Variants in CNTNAP2 observed in about 807,000 individuals in gnomAD.
CNTNAP2 encodes contactin associated protein 2, also known as contactin-associated protein-like 2.
A neutral mutation model predicts 155.2 loss-of-function variants in CNTNAP2; 98 were observed. That is an observed-to-expected ratio of 0.63 (90% CI 0.54 to 0.75). The LOEUF is 0.75. CNTNAP2 is among the 30% of genes least tolerant of loss of function. CNTNAP2 has a pLI of 0.00. For missense variants in CNTNAP2, 1,727 were observed against 1,688.1 expected, an observed-to-expected ratio of 1.02 and a Z score of -0.40; for synonymous variants, 651 against 631.2, an observed-to-expected ratio of 1.03 and a Z score of -0.47.
intron 3 of CNTNAP2, among the ~76,000 whole-genome samples, chr7:146,989,544 A>ACAAAAAAG (rs398111999): frequency 6.6e-6 from 1 of 151,530 alleles, no homozygotes; most frequent in African/African-American, 2.4e-5. Context: ...AAACAAACAA[A>ACAAAAAAG]CCCACAAAAA....
chr7:146,715,429 C>G (rs577231434), intron 1 of CNTNAP2, among the ~76,000 whole-genome samples: 4 of 152,306 alleles, frequency 2.6e-5, no homozygotes, highest in African/African-American at 9.6e-5. Context: ...ACAGAGGGCT[C>G]TCATTCAAGA....
At chr7:148,206,618 G>A (rs1010276188) in intron 18 of CNTNAP2, among the ~76,000 whole-genome samples, 1 of 152,252 alleles carries the variant, frequency 6.6e-6, no homozygotes, top group South Asian at 2.1e-4. Context: ...CGTTCCTGAC[G>A]CTGACTGCAC....
intron 13 of CNTNAP2, among the ~76,000 whole-genome samples, chr7:147,882,733 G>C (rs1269458789): frequency 6.6e-6 from 1 of 152,086 alleles, no homozygotes; most frequent in Admixed American, 6.6e-5. Context: ...CAAGATATCA[G>C]CTTTTATTAC....
chr7:147,044,143 C>T, intron 4 of CNTNAP2, 89 bp downstream of exon 4: 2 of 1,433,966 alleles, frequency 1.4e-6, no homozygotes, highest in African/African-American at 1.4e-5. Flanking sequence ...ACATTACTTG[C>T]TTTCTCTGAC....
At chr7:146,818,910 A>G (rs1411804225) in intron 2 of CNTNAP2, among the ~76,000 whole-genome samples, 1 of 152,112 alleles carries the variant, frequency 6.6e-6, no homozygotes, top group African/African-American at 2.4e-5. Flanking sequence ...TAAAAAGTAA[A>G]AACCACAGTG....
chr7:146,268,765 A>T (rs529638622), intron 1 of CNTNAP2, among the ~76,000 whole-genome samples: 2 of 152,256 alleles, frequency 1.3e-5, no homozygotes, highest in African/African-American at 4.8e-5. Context: ...ACAAAAGGTA[A>T]ATTAATATTT....
chr7:147,141,161 C>T (rs185563663), intron 8 of CNTNAP2, among the ~76,000 whole-genome samples: 20 of 152,208 alleles, frequency 1.3e-4, no homozygotes, highest in African/African-American at 4.3e-4. Flanking sequence ...TCTGGTGACA[C>T]GAGTTCAAAA....
chr7:147,142,960 C>T (rs1801630092), intron 8 of CNTNAP2, among the ~76,000 whole-genome samples: 1 of 152,062 alleles, frequency 6.6e-6, no homozygotes, highest in Admixed American at 6.6e-5. Flanking sequence ...TACTTTCCTT[C>T]CCCAAACCCC....
chr7:147,512,690 C>A (rs915486378), intron 11 of CNTNAP2, among the ~76,000 whole-genome samples: 1 of 152,086 alleles, frequency 6.6e-6, no homozygotes, highest in African/African-American at 2.4e-5. Flanking sequence ...TATCATATCA[C>A]CTTCCAGAAG....
At chr7:146,589,343 C>T (rs1000292848) in intron 1 of CNTNAP2, among the ~76,000 whole-genome samples, 1 of 152,130 alleles carries the variant, frequency 6.6e-6, no homozygotes, top group Non-Finnish European at 1.5e-5. Context: ...AGACTTGGAA[C>T]CAACCCAAAT....
chr7:148,331,189 A>G (rs1208388742), intron 21 of CNTNAP2, among the ~76,000 whole-genome samples: 4 of 145,924 alleles, frequency 2.7e-5, no homozygotes, highest in South Asian at 2.2e-4. Flanking sequence ...GATGGAATGG[A>G]TGGACGGATG....
rs893619983 is a variant in CNTNAP2, at chr7:148,229,650, C to T, written c.3252C>T (p.Ser1084=). 1.2e-6 allele frequency: 2 copies of T among 1,613,938 alleles called. No individual in the cohort carries two copies. The highest frequency in any genetic ancestry group is 1.7e-5 in the Admixed American group (1 of 59,992). ...GCTTTCTTTTTTCTTCTATAGGAAG[C>T]TTACAGATTCGATACAACCTGGGTG... is the stretch of plus-strand genomic sequence containing the variant. ...FLAVLVKPTG[S]LQIRYNLGGT... is the part of the protein sequence containing the mutation. The change falls in exon 20 of 24, where the codon AGC becomes AGT. Residue 1084 remains serine (S), a synonymous_variant. Coordinates refer to ENST00000361727, the MANE Select transcript of CNTNAP2 (RefSeq NM_014141.6).
chr7:148,194,019 G>A (rs1247520933), intron 18 of CNTNAP2, among the ~76,000 whole-genome samples: 1 of 151,032 alleles, frequency 6.6e-6, no homozygotes, highest in African/African-American at 2.4e-5. Flanking sequence ...CGCCCAGGCT[G>A]CAGTGCAGTG....
intron 13 of CNTNAP2, among the ~76,000 whole-genome samples, chr7:147,752,926 A>G (rs928332973): frequency 6.6e-6 from 1 of 152,236 alleles, no homozygotes; most frequent in Admixed American, 6.5e-5. Flanking sequence ...TCTGTAGAGC[A>G]GAATTCACTG....
At chr7:146,531,185 CA>C (rs1475888224) in intron 1 of CNTNAP2, among the ~76,000 whole-genome samples, 2 of 151,960 alleles carry the variant, frequency 1.3e-5, no homozygotes, top group African/African-American at 4.8e-5. Flanking sequence ...CATATGAGCA[CA>C]AAAAAGGGAA....
At chr7:146,134,323 G>A (rs36200100) in intron 1 of CNTNAP2, among the ~76,000 whole-genome samples, 7,625 of 142,736 alleles carry the variant, frequency 0.053, 185 homozygotes, top group Middle Eastern at 0.1. Context: ...GAGACAATGG[G>A]GTTTTCTAGA....
intron 5 of CNTNAP2, among the ~76,000 whole-genome samples, chr7:147,116,846 A>G (rs1801001921): frequency 6.6e-6 from 1 of 151,626 alleles, no homozygotes; most frequent in South Asian, 2.1e-4. Flanking sequence ...TCTGGCCATG[A>G]TCTGGCAAAG....
At chr7:147,483,361 G>T (rs967278084) in intron 10 of CNTNAP2, among the ~76,000 whole-genome samples, 2 of 152,074 alleles carry the variant, frequency 1.3e-5, no homozygotes, top group African/African-American at 4.8e-5. Flanking sequence ...TATCTATGGG[G>T]TGGGTGGGGA....
Position 146,473,755 on chromosome 7 carries a change from T to C in CNTNAP2, c.98-300516T>C, listed in dbSNP as rs944882738. 4.6e-5 allele frequency among the ~76,000 whole-genome samples: 7 copies of C among 152,118 alleles called. 1 individual carries two copies. In the South Asian group the frequency reaches 6.2e-4, roughly 14 times the overall value. ...TCCGAATACCTATTTTGTATGTTTT[T>C]CCCCCCATTTTTCTATTCAATTCAG... On this transcript the variant is annotated intron_variant, in intron 1 of 23. Transcript: ENST00000361727.
Sources: gnomAD v4.1 joint callset for allele counts (sites outside exome capture counted in the v4.1 genomes callset) on GRCh38, gnomAD v4.1.1 for gene constraint, MANE v1.5 for transcripts, NCBI Gene and HGNC (gene_info 2026-07-23, HGNC 2026-07-21) for gene names.